Variants in CAMK2B observed in about 807,000 individuals in gnomAD.
The protein encoded by CAMK2B is calcium/calmodulin-dependent protein kinase type II subunit beta.
Under a neutral mutation model 93.7 loss-of-function variants are expected in CAMK2B, and 27 were observed. The ratio of observed to expected loss-of-function variants is 0.29; its 90% CI spans 0.21 to 0.40. CAMK2B has a LOEUF of 0.40. Among genes scored for constraint, CAMK2B ranks in the 10% least tolerant of loss-of-function variants. CAMK2B has a pLI of 1.00. For synonymous variants in CAMK2B, 374 were observed against 358.8 expected, an observed-to-expected ratio of 1.04 and a Z score of -0.48; for missense variants, 568 against 895.8, an observed-to-expected ratio of 0.63 and a Z score of 4.67.
In CAMK2B at chr7:44,279,786, G is replaced by A. The variant is rs536940027; in HGVS notation, c.160+4345C>T. ...ATAGAGCACTTTGAGAATATAAATA[G>A]GGGTTGTGAGGTTAATTTAGAGGAG... On this transcript the variant is annotated intron_variant, in intron 2 of 23. Coordinates refer to ENST00000395749, the MANE Select transcript of CAMK2B (RefSeq NM_001220.5). Among the ~76,000 whole-genome samples, 3 of 149,410 alleles carry A rather than the reference G, an allele frequency of 2.0e-5. No individual in the cohort carries two copies. In the East Asian group the frequency reaches 5.8e-4, roughly 29 times the overall value.
intron 4 of CAMK2B, among the ~76,000 whole-genome samples, chr7:44,258,622 A>T (rs2096854273): frequency 6.6e-6 from 1 of 152,118 alleles, no homozygotes; most frequent in Non-Finnish European, 1.5e-5. Flanking sequence ...TGTGTGGAGG[A>T]GAGGGGGAGT....
Position 44,312,452 on chromosome 7 carries a change from T to G in CAMK2B, c.65+12905A>C. Among the ~76,000 whole-genome samples, 1 of 147,370 alleles carries G rather than the reference T, an allele frequency of 6.8e-6. No homozygotes were observed. Among genetic ancestry groups the G allele is most frequent in the Admixed American group, 6.7e-5 (1 of 14,864 alleles). ...CACCCAAAAGACAGGATCCTTTAAG[T>G]GAAAGGAGAAAGGAGAGGGAGGAAG... On this transcript the variant is annotated intron_variant, in intron 1 of 23. Coordinates refer to ENST00000395749, the MANE Select transcript of CAMK2B (RefSeq NM_001220.5). The surrounding 1 kb of genome is among the most constrained non-coding windows in gnomAD (Gnocchi z 4.1).
intron 1 of CAMK2B, among the ~76,000 whole-genome samples, chr7:44,322,108 T>C (rs1163389304): frequency 1.3e-5 from 2 of 152,206 alleles, no homozygotes; most frequent in Non-Finnish European, 2.9e-5. Context: ...TCCATTGGGA[T>C]GGGGGCACGC....
chr7:44,234,245 G>A (rs914686257), intron 15 of CAMK2B, 145 bp downstream of exon 15: 2 of 679,916 alleles, frequency 2.9e-6, no homozygotes, highest in African/African-American at 3.6e-5. Flanking sequence ...ACCGGTGAGG[G>A]ATGAGGGGCG....
At chr7:44,280,026 T>G (rs2129086789) in intron 2 of CAMK2B, among the ~76,000 whole-genome samples, 1 of 152,310 alleles carries the variant, frequency 6.6e-6, no homozygotes, top group East Asian at 1.9e-4. Context: ...TCAGGGTGTA[T>G]CTGCTCATCT....
chr7:44,272,413 G>A (rs569956304), intron 2 of CAMK2B, among the ~76,000 whole-genome samples: 14 of 152,306 alleles, frequency 9.2e-5, no homozygotes, highest in East Asian at 3.9e-4. Flanking sequence ...GGGCAGCCCC[G>A]GGAGGCTGAG....
In CAMK2B at chr7:44,226,575, G is replaced by A. The variant is rs771401633; in HGVS notation, c.1538C>T (p.Ser513Leu). The A allele has an allele frequency of 6.9e-5, 103 of 1,483,986 alleles. No individual in the cohort carries two copies. Among genetic ancestry groups the A allele is most frequent in the Middle Eastern group, 1.8e-4 (1 of 5,578 alleles). The allele number at this position is 1,483,986 out of a possible 1,614,324, so 91.9% of individuals were successfully genotyped here. Residue 513 changes from serine (S) to leucine (L), a missense_variant, in exon 20 of 24, where the codon TCG (serine) becomes TTG (leucine). By Grantham distance (145) the Ser-to-Leu change is moderately radical. This residue lies in a region of CAMK2B where 308 missense variants were observed against 292.1 expected (regional missense o/e 1.05). Transcript: ENST00000395749. ...TGGGCAGGGCGGGGGCCCCACTGGC[G>A]AGGGGCCCTCGGCTTCTGGGGTCCC... ...GSGTPEAEGP[S>L]PVGPPPCPSP... is the part of the protein sequence containing the mutation.
chr7:44,273,921 C>T (rs1035986312), intron 2 of CAMK2B, among the ~76,000 whole-genome samples: 1 of 149,004 alleles, frequency 6.7e-6, no homozygotes, highest in Admixed American at 6.7e-5. Flanking sequence ...GAGCACAGTC[C>T]GGGGCAAGCA....
At position 44,220,398 on chromosome 7, in the gene CAMK2B, T is replaced by C. The variant is rs559977811; in HGVS notation, c.1769-104A>G. 1.6e-4 allele frequency: 151 copies of C among 961,856 alleles called. No individual in the cohort carries two copies. The African/African-American group carries it at 1.6e-3, about 10-fold the overall frequency. 59.6% of individuals were successfully genotyped at this position (961,856 alleles called of 1,614,324 possible). On this transcript the variant is annotated intron_variant, in intron 22 of 23. Coordinates refer to ENST00000395749, the MANE Select transcript of CAMK2B (RefSeq NM_001220.5). Reference sequence around the variant, plus strand: ...CCTTTCCCTCTCTCAACTCCCCTTATTGGGGAGGCTCGGCTCTCCTGGGAG... The same window carrying C: ...CCTTTCCCTCTCTCAACTCCCCTTACTGGGGAGGCTCGGCTCTCCTGGGAG...
chr7:44,285,782 G>A (rs575556482), intron 1 of CAMK2B, among the ~76,000 whole-genome samples: 12 of 146,628 alleles, frequency 8.2e-5, no homozygotes, highest in African/African-American at 1.3e-4. Context: ...CAGGAGATGT[G>A]GGGGGAGACC....
Position 44,224,927 on chromosome 7 carries a change from G to A in CAMK2B, c.1597+1589C>T, listed in dbSNP as rs954757833. Among the ~76,000 whole-genome samples, 9 of 151,996 alleles carry A rather than the reference G, an allele frequency of 5.9e-5. No homozygotes were observed. The highest frequency in any genetic ancestry group is 7.4e-5 in the Non-Finnish European group (5 of 67,976). ...GTACCCAGACTCTTCCTTTCCCTGAGTTCCGGAACATCTCACCCACCCCTT... is the reference window on the plus strand; with the variant it reads ...GTACCCAGACTCTTCCTTTCCCTGAATTCCGGAACATCTCACCCACCCCTT... On this transcript the variant is annotated intron_variant, in intron 20 of 23. Transcript: ENST00000395749. The surrounding 1 kb of genome is among the most constrained non-coding windows in gnomAD (Gnocchi z 4.4).
intron 13 of CAMK2B, among the ~76,000 whole-genome samples, chr7:44,235,457 C>T (rs1051694418): frequency 6.6e-6 from 1 of 152,212 alleles, no homozygotes; most frequent in African/African-American, 2.4e-5. Context: ...GGTGCCCACA[C>T]CCTCCATGGC....
rs543402214 is a variant in CAMK2B at position 44,229,302 on chromosome 7, C to G, written c.1339+86G>C. 2.1e-5 allele frequency: 18 copies of G among 868,522 alleles called. No individual in the cohort carries two copies. The African/African-American group carries it at 2.6e-4, about 12-fold the overall frequency. 53.8% of individuals were successfully genotyped at this position (868,522 alleles called of 1,614,324 possible). On this transcript the variant is annotated intron_variant, in intron 18 of 23. Coordinates refer to ENST00000395749, the MANE Select transcript of CAMK2B (RefSeq NM_001220.5). ...GGCTGGAGCCAGGGTCCACGCTCAG[C>G]CTGCCCTCGGCTCTGGAGTGGCCCC...
rs1186287458 is a variant in CAMK2B, at chr7:44,271,446, G to A, written c.161-8382C>T. On this transcript the variant is annotated intron_variant, in intron 2 of 23. Transcript: ENST00000395749. This position sits in a 1 kb window ranked among gnomAD's most constrained non-coding sequence, Gnocchi z 4.2. The stretch of plus-strand genomic sequence containing the variant: ...AGGACATCCTGGGCCTTGACACCAG[G>A]CCAGTGGGGTCTGGTCTTTAATTCT... Among the ~76,000 whole-genome samples the A allele has an allele frequency of 6.6e-6, 1 of 152,234 alleles. No individual in the cohort carries two copies. The highest frequency in any genetic ancestry group is 1.5e-5 in the Non-Finnish European group (1 of 68,040).
intron 20 of CAMK2B, 136 bp downstream of exon 20, chr7:44,226,380 C>T (rs917792): frequency 0.066 from 45,842 of 692,738 alleles, 1,689 homozygotes; most frequent in South Asian, 0.076. Flanking sequence ...AAAGCAATTC[C>T]CTGGGACCCA....
At chr7:44,238,939 C>T (rs865890196) in intron 13 of CAMK2B, among the ~76,000 whole-genome samples, 4 of 152,210 alleles carry the variant, frequency 2.6e-5, no homozygotes, top group African/African-American at 9.7e-5. Context: ...GCTCTGGCCC[C>T]GCACAGCCCA....
At chr7:44,220,016 C>G in intron 23 of CAMK2B, 44 bp downstream of exon 23, 1 of 1,469,858 alleles carries the variant, frequency 6.8e-7, no homozygotes, top group Non-Finnish European at 9.1e-7. Flanking sequence ...CTCACACCAC[C>G]GCCACCCCTC....
rs1350539271 is a variant in CAMK2B, at chr7:44,286,894, T to C, written c.66-2669A>G. 6.6e-6 allele frequency among the ~76,000 whole-genome samples: 1 copy of C among 151,990 alleles called. No individual in the cohort carries two copies. The highest frequency in any genetic ancestry group is 1.9e-4 in the East Asian group (1 of 5,170). ...GTGGGAGCACCAGGCCGCACAGCTG[T>C]AGTGACATAGGATGTGGCAGGCACA... On this transcript the variant is annotated intron_variant, in intron 1 of 23. Transcript: ENST00000395749. This position sits in a 1 kb window ranked among gnomAD's most constrained non-coding sequence, Gnocchi z 4.0.
chr7:44,234,428 C>T lies in CAMK2B; in HGVS notation c.1093G>A (p.Ala365Thr), dbSNP rs375397173. 1.0e-5 allele frequency: 16 copies of T among 1,547,520 alleles called. No homozygotes were observed. Among genetic ancestry groups the T allele is most frequent in the South Asian group, 8.7e-5 (7 of 80,372 alleles). The change falls in exon 15 of 24, where the codon GCC becomes ACC. Residue 365 changes from alanine (A) to threonine (T), a missense_variant. Physicochemically the swap from Ala to Thr is moderately conservative, Grantham distance 58 (BLOSUM62 0). Coordinates refer to ENST00000395749, the MANE Select transcript of CAMK2B (RefSeq NM_001220.5). ...GGAAGCGTCCCTTTGGGGCTGGTGG[C>T]GGCTGCACTGTTTTTGGTGCTATTC... ...QTNSTKNSAAATSPKGTLPPA... is the reference protein window; with the variant it reads ...QTNSTKNSAATTSPKGTLPPA...
Sources: gnomAD v4.1 joint callset for allele counts (sites outside exome capture counted in the v4.1 genomes callset) on GRCh38, gnomAD v4.1.1 for gene constraint, gnomAD v4.1.1 regional missense constraint, Gnocchi (gnomAD v3.1) non-coding constraint, MANE v1.5 for transcripts, NCBI Gene and HGNC (gene_info 2026-07-23, HGNC 2026-07-21) for gene names.